Variants in CEP164 observed in about 807,000 individuals in gnomAD.
CEP164 encodes the protein centrosomal protein 164.
Under a neutral mutation model 182.7 loss-of-function variants are expected in CEP164, and 162 were observed. That is an observed-to-expected ratio of 0.89 (90% CI 0.78 to 1.01). The LOEUF is 1.01. CEP164 is among the 50% of genes least tolerant of loss of function. CEP164 has a pLI of 0.00. For missense variants in CEP164, 1,735 were observed against 1,790.4 expected (o/e 0.97, Z 0.56); for synonymous variants, 661 against 690.0 (o/e 0.96, Z 0.66).
At chr11:117,396,750 G>T (rs2045529247) in intron 26 of CEP164, 139 bp downstream of exon 26, 1 of 738,782 alleles carries the variant, frequency 1.4e-6, no homozygotes, top group African/African-American at 1.7e-5. Flanking sequence ...GAAGGCTCCG[G>T]AGGATTAAGG....
Position 117,395,178 on chromosome 11 carries a change from C to G in CEP164, c.2900C>G (p.Ala967Gly). 1.2e-6 allele frequency: 2 copies of G among 1,613,896 alleles called. No homozygotes were observed. The highest frequency in any genetic ancestry group is 8.5e-7 in the Non-Finnish European group (1 of 1,179,998). ...QQLLDVQRQV[A>G]LKSEEATATH... is the part of the protein sequence containing the mutation. ...CTGCTTGATGTGCAGAGGCAGGTTG[C>G]TCTGAAGAGTGAGGTTTGTCTCCCT... The change falls in exon 23 of 33, where the codon GCT becomes GGT. Residue 967 changes from alanine (A) to glycine (G), a missense_variant. Transcript: ENST00000278935.
At chr11:117,380,409 C>A (rs2043192130) in intron 11 of CEP164, among the ~76,000 whole-genome samples, 1 of 152,162 alleles carries the variant, frequency 6.6e-6, no homozygotes, top group African/African-American at 2.4e-5. Context: ...TCAAGGCTGA[C>A]CCAGGGAGCA....
chr11:117,393,232 C>A, intron 20 of CEP164, 106 bp downstream of exon 20: 1 of 1,461,248 alleles, frequency 6.8e-7, no homozygotes, highest in Non-Finnish European at 9.1e-7. Context: ...CACACACACC[C>A]CGGGGTCCTT....
rs147473204 is a variant in CEP164 at position 117,377,418 on chromosome 11, T to C, written c.1317+1627T>C. On this transcript the variant is annotated intron_variant, in intron 11 of 32. Coordinates refer to ENST00000278935, the MANE Select transcript of CEP164 (RefSeq NM_014956.5). ...CTCCCCTAAGCTATACCTTGTGACC[T>C]GCCTGTTGTGATGTGGGTAACAGTG... 1.3e-3 allele frequency among the ~76,000 whole-genome samples: 196 copies of C among 152,318 alleles called. 1 individual carries two copies. The highest frequency in any genetic ancestry group is 4.1e-3 in the African/African-American group (171 of 41,584).
At chr11:117,336,366 A>G in intron 2 of CEP164, 4 of 1,415,804 alleles carry the variant, frequency 2.8e-6, no homozygotes, top group Non-Finnish European at 1.0e-6. Context: ...GATTCACAGG[A>G]GGGATTCCAG....
intron 3 of CEP164, among the ~76,000 whole-genome samples, 164 bp downstream of exon 3, chr11:117,338,832 G>GT (rs968901882): frequency 1.9e-4 from 29 of 151,262 alleles, no homozygotes; most frequent in Middle Eastern, 3.4e-3. Context: ...CCTCTTGCCT[G>GT]TTTTTTTTTA....
intron 25 of CEP164, 106 bp from the exon 26 acceptor site, chr11:117,396,444 A>G: frequency 1.1e-6 from 1 of 948,374 alleles, no homozygotes; most frequent in East Asian, 2.4e-5. Flanking sequence ...TGGCAGCTAG[A>G]GAGCCATTTC....
chr11:117,376,545 G>T (rs1242307209), intron 11 of CEP164, among the ~76,000 whole-genome samples: 1 of 152,162 alleles, frequency 6.6e-6, no homozygotes, highest in African/African-American at 2.4e-5. Context: ...ATTTGGTTTG[G>T]GCAAAATGGA....
chr11:117,355,054 A>G (rs1443759130), intron 5 of CEP164: 1 of 1,289,708 alleles, frequency 7.8e-7, no homozygotes, highest in Admixed American at 2.3e-5. Context: ...TAAGTGAGGG[A>G]TCCTATAACA....
upstream of CEP164, chr11:117,323,872 G>T (rs770296069): frequency 4.8e-6 from 2 of 416,390 alleles, no homozygotes; most frequent in South Asian, 3.4e-5. Context: ...TCACGTACCT[G>T]TTGGCCATTT....
intron 1 of CEP164, among the ~76,000 whole-genome samples, chr11:117,330,245 A>C (rs1243743110): frequency 6.6e-6 from 1 of 152,140 alleles, no homozygotes; most frequent in Non-Finnish European, 1.5e-5. Context: ...CACATTTTGT[A>C]GTCATGTGTT....
At chr11:117,343,136 G>A (rs1238834754) in intron 3 of CEP164, among the ~76,000 whole-genome samples, 1 of 152,216 alleles carries the variant, frequency 6.6e-6, no homozygotes, top group African/African-American at 2.4e-5. Flanking sequence ...TTCCCAAAGT[G>A]CTGGGATTAC....
intron 8 of CEP164, 139 bp from the exon 9 acceptor site, chr11:117,370,941 G>A: frequency 2.4e-6 from 2 of 834,764 alleles, no homozygotes; most frequent in East Asian, 2.6e-5. Context: ...TAACAACTGG[G>A]TGATTGATAA....
At chr11:117,338,416 C>T in intron 2 of CEP164, 150 bp from the exon 3 acceptor site, 1 of 611,174 alleles carries the variant, frequency 1.6e-6, no homozygotes, top group Non-Finnish European at 2.9e-6. Flanking sequence ...TGGTTTCACC[C>T]TCCACTATAC....
chr11:117,395,193 T>A lies in CEP164; in HGVS notation c.2913+2T>A. On this transcript the variant is annotated splice_donor_variant, in intron 23 of 32. Coordinates refer to ENST00000278935, the MANE Select transcript of CEP164 (RefSeq NM_014956.5). LOFTEE classifies it high-confidence loss of function. ...AGGCAGGTTGCTCTGAAGAGTGAGG[T>A]TTGTCTCCCTGTTTTGTCCTCCCTC... 1 of 1,613,292 alleles carries A rather than the reference T, an allele frequency of 6.2e-7. No individual in the cohort carries two copies. The highest frequency in any genetic ancestry group is 1.1e-5 in the South Asian group (1 of 91,056).
At position 117,394,345 on chromosome 11, in the gene CEP164, T is replaced by A; in HGVS notation, c.2617-5T>A. ...TTCCCACCGGTGGGCCCACCCTCCTTGCAGGAGAGGAAGCAGCGGGCTGAG... is the reference window on the plus strand; with the variant it reads ...TTCCCACCGGTGGGCCCACCCTCCTAGCAGGAGAGGAAGCAGCGGGCTGAG... On this transcript the variant is annotated splice_polypyrimidine_tract_variant and splice_region_variant and intron_variant, in intron 20 of 32. Coordinates refer to ENST00000278935, the MANE Select transcript of CEP164 (RefSeq NM_014956.5). This position sits in a 1 kb window ranked among gnomAD's most constrained non-coding sequence, Gnocchi z 4.0. 1.3e-6 allele frequency: 2 copies of A among 1,592,000 alleles called. No homozygotes were observed. The highest frequency in any genetic ancestry group is 1.7e-6 in the Non-Finnish European group (2 of 1,169,528).
At chr11:117,335,054 T>G (rs1565406043) in intron 1 of CEP164, among the ~76,000 whole-genome samples, 1 of 152,124 alleles carries the variant, frequency 6.6e-6, no homozygotes, top group Non-Finnish European at 1.5e-5. Context: ...CCTTTTTTCT[T>G]CTCCTCTCCC....
At position 117,411,048 on chromosome 11, in the gene CEP164, C is replaced by A; in HGVS notation, c.4163+154C>A. ...TAGTCCACAGAGCTGTCCCCGCTTG[C>A]CTGGGTCTGAGGCGCCCCTCCATGA... is the stretch of plus-strand genomic sequence containing the variant. On this transcript the variant is annotated intron_variant, in intron 31 of 32. Transcript: ENST00000278935. The surrounding 1 kb of genome is among the most constrained non-coding windows in gnomAD (Gnocchi z 4.4). The A allele has an allele frequency of 1.5e-6, 1 of 675,746 alleles. No individual in the cohort carries two copies. Among genetic ancestry groups the A allele is most frequent in the Non-Finnish European group, 2.6e-6 (1 of 391,802 alleles). The allele number at this position is 675,746 out of a possible 1,614,324, so 41.9% of individuals were successfully genotyped here. A position where few individuals can be genotyped will look rare whatever the true frequency, so the allele number is the denominator to read the frequency against.
rs1200761905 is a variant in CEP164, at chr11:117,381,774, C to T, written c.1483C>T (p.Pro495Ser). The T allele has an allele frequency of 3.8e-6, 6 of 1,596,972 alleles. No homozygotes were observed. The Admixed American group carries it at 1.0e-4, about 27-fold the overall frequency. Residue 495 changes from proline to serine, a missense_variant, in exon 13 of 33, where the codon CCC (proline) becomes TCC (serine). Physicochemically the swap from Pro to Ser is moderately conservative, Grantham distance 74. Transcript: ENST00000278935. ...CAGCCTGGCCACTGAAGAAGAGCCTCCCCAGGGCCCCGAGGGGCAGCCCGA... is the reference window on the plus strand; with the variant it reads ...CAGCCTGGCCACTGAAGAAGAGCCTTCCCAGGGCCCCGAGGGGCAGCCCGA... ...PRSLATEEEP[P>S]QGPEGQPEWK...
Sources: gnomAD v4.1 joint callset for allele counts (sites outside exome capture counted in the v4.1 genomes callset) on GRCh38, gnomAD v4.1.1 for gene constraint, Gnocchi (gnomAD v3.1) non-coding constraint, MANE v1.5 for transcripts, NCBI Gene and HGNC (gene_info 2026-07-23, HGNC 2026-07-21) for gene names.